Variants in KLRG1 observed in about 807,000 individuals in gnomAD.
The protein encoded by KLRG1 is killer cell lectin-like receptor subfamily G member 1.
Under a neutral mutation model 21.8 loss-of-function variants are expected in KLRG1, and 16 were observed. That is an observed-to-expected ratio of 0.73 (90% CI 0.50 to 1.11). The LOEUF (loss-of-function observed/expected upper bound fraction) is 1.11. KLRG1 is among the 50% of genes most tolerant of loss of function. The pLI, the probability that KLRG1 is intolerant of heterozygous loss-of-function variation, is 0.00. For missense variants in KLRG1, 173 were observed against 218.3 expected (o/e 0.79, Z 1.31); for synonymous variants, 69 against 75.9 (o/e 0.91, Z 0.47).
At chr12:9,213,342 A>T in the KLRG1 span, among the ~76,000 whole-genome samples, 1 of 152,174 alleles carries the variant, frequency 6.6e-6, no homozygotes, top group Non-Finnish European at 1.5e-5. Flanking sequence ...GAATATATAC[A>T]GGAGTGAATC....
At chr12:8,975,052 T>C (rs7133024) in intron 1 of KLRG1, among the ~76,000 whole-genome samples, 149,343 of 152,110 alleles carry the variant, frequency 0.98, 73,361 homozygotes, top group East Asian at 1. Context: ...CCTGTCACCA[T>C]GCCTGGCTAA....
chr12:8,952,718 T>C (rs1406107778), intron 1 of KLRG1, among the ~76,000 whole-genome samples: 1 of 152,234 alleles, frequency 6.6e-6, no homozygotes. Flanking sequence ...TATCAGTGTG[T>C]ATTTCCTAGA....
chr12:9,001,738 C>G (rs1170166629), intron 3 of KLRG1, among the ~76,000 whole-genome samples: 3 of 152,186 alleles, frequency 2.0e-5, no homozygotes, highest in Admixed American at 6.5e-5. Flanking sequence ...CCAACCCCAT[C>G]TCATGATGAT....
the KLRG1 span, among the ~76,000 whole-genome samples, chr12:9,152,616 A>G: frequency 4.3e-4 from 66 of 152,302 alleles, 2 homozygotes; most frequent in African/African-American, 1.5e-3. Context: ...CTCACTATAC[A>G]GTTCATTTGT....
At chr12:9,127,520 C>G in the KLRG1 span, among the ~76,000 whole-genome samples, 1 of 152,342 alleles carries the variant, frequency 6.6e-6, no homozygotes, top group Non-Finnish European at 1.5e-5. Context: ...CTGCCTCACC[C>G]TAACTTCCTG....
chr12:8,962,642 G>A (rs1274344075), intron 1 of KLRG1, among the ~76,000 whole-genome samples: 8 of 151,476 alleles, frequency 5.3e-5, no homozygotes, highest in African/African-American at 1.9e-4. Flanking sequence ...CTTGAGCCCA[G>A]GAGGTGGAGG....
the KLRG1 span, among the ~76,000 whole-genome samples, chr12:9,029,961 C>T: frequency 6.6e-6 from 1 of 152,134 alleles, no homozygotes; most frequent in Non-Finnish European, 1.5e-5. Flanking sequence ...GCCATATTGG[C>T]CAGGCTGATC....
intron 1 of KLRG1, among the ~76,000 whole-genome samples, chr12:8,952,079 T>TTTTG (rs1482536207): frequency 1.3e-5 from 2 of 152,184 alleles, no homozygotes; most frequent in African/African-American, 2.4e-5. Context: ...CAGAATTTTT[T>TTTTG]TTTGTTTGTT....
At chr12:9,202,734 C>T in the KLRG1 span, 6 of 1,534,806 alleles carry the variant, frequency 3.9e-6, no homozygotes, top group African/African-American at 6.9e-5. Flanking sequence ...AGTCTTCTCC[C>T]TCTGCATTCT....
At chr12:9,094,837 A>C in the KLRG1 span, 1 of 424,732 alleles carries the variant, frequency 2.4e-6, no homozygotes, top group Non-Finnish European at 4.1e-6. Flanking sequence ...TTACTATATG[A>C]CCTTGAGCAA....
the KLRG1 span, chr12:9,107,727 A>G: frequency 3.9e-6 from 6 of 1,525,152 alleles, no homozygotes; most frequent in African/African-American, 1.4e-5. Flanking sequence ...CCCTTTAGCT[A>G]CAGTATATTC....
chr12:9,153,198 T>C, the KLRG1 span: 8 of 1,614,104 alleles, frequency 5.0e-6, no homozygotes, highest in Non-Finnish European at 6.8e-6. Flanking sequence ...TGAGATCTGC[T>C]GCAGTAATAG....
the KLRG1 span, among the ~76,000 whole-genome samples, chr12:9,213,251 T>G: frequency 6.6e-6 from 1 of 152,216 alleles, no homozygotes; most frequent in Non-Finnish European, 1.5e-5. Context: ...GTTATTCTCA[T>G]TTATTAGCTA....
the KLRG1 span, among the ~76,000 whole-genome samples, chr12:9,056,120 G>C: frequency 6.6e-6 from 1 of 152,192 alleles, no homozygotes; most frequent in Non-Finnish European, 1.5e-5. Context: ...AGGGGACACT[G>C]TATTCAGCAA....
At chr12:9,006,741 T>G (rs1436700061) in intron 3 of KLRG1, among the ~76,000 whole-genome samples, 1 of 152,200 alleles carries the variant, frequency 6.6e-6, no homozygotes, top group Non-Finnish European at 1.5e-5. Context: ...CTTCCAAGAT[T>G]GTCAAGAATT....
the KLRG1 span, among the ~76,000 whole-genome samples, chr12:9,120,886 T>TGTGTA: frequency 6.8e-5 from 10 of 148,030 alleles, no homozygotes; most frequent in South Asian, 2.1e-4. Flanking sequence ...TGTGTGTGTA[T>TGTGTA]TTTTTTTTTT....
the KLRG1 span, among the ~76,000 whole-genome samples, chr12:9,043,633 A>G: frequency 6.6e-6 from 1 of 152,230 alleles, no homozygotes; most frequent in Admixed American, 6.5e-5. Flanking sequence ...GGCCACAATA[A>G]TATCTCCAAC....
At chr12:9,138,481 G>A in the KLRG1 span, among the ~76,000 whole-genome samples, 1 of 150,352 alleles carries the variant, frequency 6.7e-6, no homozygotes. Flanking sequence ...TTCTTGTAGT[G>A]TCCTTGTCTG....
the KLRG1 span, among the ~76,000 whole-genome samples, chr12:9,037,807 A>G: frequency 1.3e-5 from 2 of 152,244 alleles, no homozygotes; most frequent in African/African-American, 4.8e-5. Flanking sequence ...CATGCAGTCC[A>G]GGTTTGTAGC....
Sources: gnomAD v4.1 joint callset for allele counts (sites outside exome capture counted in the v4.1 genomes callset) on GRCh38, gnomAD v4.1.1 for gene constraint, MANE v1.5 for transcripts, NCBI Gene and HGNC (gene_info 2026-07-23, HGNC 2026-07-21) for gene names.